Variants in CCDC144A observed in about 807,000 individuals in gnomAD.
CCDC144A encodes the protein coiled-coil domain-containing protein 144A.
Under a neutral mutation model 143.8 loss-of-function variants are expected in CCDC144A, and 41 were observed. That is an observed-to-expected ratio of 0.29 (90% confidence interval 0.22 to 0.37). The LOEUF is 0.37. Ranked by LOEUF, CCDC144A falls within the 10% of genes least tolerant of loss-of-function variation. The pLI, the probability that CCDC144A is intolerant of heterozygous loss-of-function variation, is 1.00. For missense variants in CCDC144A, 637 were observed against 1,488.8 expected (o/e 0.43, Z 9.41); for synonymous variants, 242 against 517.9 (o/e 0.47, Z 7.23).
intron 6 of CCDC144A, among the ~76,000 whole-genome samples, chr17:16,712,879 C>T (rs1246252299): frequency 6.6e-6 from 1 of 152,072 alleles, no homozygotes; most frequent in East Asian, 1.9e-4. Flanking sequence ...TTGGAATTCT[C>T]GTAATATCTG....
At chr17:16,746,407 A>G (rs1349388452) in intron 12 of CCDC144A, 259 of 1,534,238 alleles carry the variant, frequency 1.7e-4, no homozygotes, top group Non-Finnish European at 2.3e-4. Flanking sequence ...TATTTTTAAT[A>G]TATTCCAAAA....
chr17:16,679,484 C>A, the CCDC144A span, among the ~76,000 whole-genome samples: 1 of 151,318 alleles, frequency 6.6e-6, no homozygotes, highest in African/African-American at 2.4e-5. Context: ...TTCCTGAGAC[C>A]TCAATTCTCG....
At chr17:16,689,063 G>C (rs1339979376), upstream of CCDC144A, among the ~76,000 whole-genome samples, 1 of 152,090 alleles carries the variant, frequency 6.6e-6, no homozygotes, top group Non-Finnish European at 1.5e-5. Context: ...TTTTCATAAT[G>C]CTATCTGTCT....
chr17:16,753,791 T>C (rs1388588418), intron 12 of CCDC144A, among the ~76,000 whole-genome samples: 3 of 152,252 alleles, frequency 2.0e-5, no homozygotes, highest in African/African-American at 7.2e-5. Context: ...TCTGCATCCT[T>C]CAGGGATATT....
At chr17:16,763,169 T>A (rs868769901) in intron 14 of CCDC144A, among the ~76,000 whole-genome samples, 1 of 151,108 alleles carries the variant, frequency 6.6e-6, no homozygotes, top group African/African-American at 2.5e-5. Context: ...AAATAACACC[T>A]TGGTCAGCCT....
chr17:16,769,493 A>G (rs1171441363), intron 15 of CCDC144A, among the ~76,000 whole-genome samples: 2 of 152,260 alleles, frequency 1.3e-5, no homozygotes, highest in Admixed American at 6.5e-5. Flanking sequence ...CAGTTTTTCT[A>G]TAAATAACTC....
chr17:16,750,582 G>A (rs3913326), intron 12 of CCDC144A, among the ~76,000 whole-genome samples: 74 of 151,116 alleles, frequency 4.9e-4, no homozygotes, highest in Middle Eastern at 3.4e-3. Flanking sequence ...TTTTTCCATC[G>A]ACCTCTGTAA....
rs557913207 is a variant in CCDC144A, at chr17:16,699,371, G to A, written c.416-5780G>A. The stretch of plus-strand genomic sequence containing the variant: ...AGTTCCACTATTTGCAGGGTTTTTT[G>A]GACTTTTTTTGTTGTTGTTGTTGAG... On this transcript the variant is annotated intron_variant, in intron 2 of 16. Transcript: ENST00000399273. 7.3e-5 allele frequency among the ~76,000 whole-genome samples: 11 copies of A among 149,762 alleles called. 1 individual carries two copies. The highest frequency in any genetic ancestry group is 4.1e-4 in the Admixed American group (6 of 14,742).
rs1443903842 is a variant in CCDC144A at position 16,708,795 on chromosome 17, GA to G, written c.742del (p.Thr248ArgfsTer38). On this transcript the variant is annotated frameshift_variant and splice_region_variant, in exon 5 of 17. Coordinates refer to ENST00000399273, the MANE Select transcript of CCDC144A (RefSeq NM_001382000.1). LOFTEE classifies it high-confidence loss of function. ...LKGCENKQPQ[K>X]TSQEPEMAKD... ...TTAATCTTCCACTTTTGCATCTGCA[GA>G]AAACGTCTCAAGAACCAGAAATGGC... 1.2e-6 allele frequency: 2 copies of G among 1,611,688 alleles called. No individual in the cohort carries two copies. Among genetic ancestry groups the G allele is most frequent in the Non-Finnish European group, 1.7e-6 (2 of 1,179,722 alleles).
chr17:16,693,055 A>C lies in CCDC144A; in HGVS notation c.415+6A>C, dbSNP rs1911180285. ...TCCTCAAAATAACAATCCAGGTAAG[A>C]CTTCTGATAGTGAATTATTTTTGGT... On this transcript the variant is annotated splice_donor_region_variant and intron_variant, in intron 2 of 16. Coordinates refer to ENST00000399273, the MANE Select transcript of CCDC144A (RefSeq NM_001382000.1). 1.3e-6 allele frequency: 2 copies of C among 1,555,078 alleles called. No homozygotes were observed. Among genetic ancestry groups the C allele is most frequent in the Non-Finnish European group, 1.7e-6 (2 of 1,160,198 alleles).
rs182708423 is a variant in CCDC144A, at chr17:16,744,540, G to A, written c.3372+8897G>A. On this transcript the variant is annotated intron_variant, in intron 12 of 16. Transcript: ENST00000399273. ...AAGTGTCTGTTAATGTATTTTGCCC[G>A]CTTTTATATATTTTTTTAAATTCTT... 3.8e-3 allele frequency among the ~76,000 whole-genome samples: 583 copies of A among 151,972 alleles called. 6 individuals are homozygous for A. Among genetic ancestry groups the A allele is most frequent in the African/African-American group, 0.013 (554 of 41,444 alleles).
intron 12 of CCDC144A, among the ~76,000 whole-genome samples, chr17:16,750,847 C>T (rs147251610): frequency 0.01 from 1,553 of 152,212 alleles, 21 homozygotes; most frequent in African/African-American, 0.035. Flanking sequence ...GAAGGTCCCT[C>T]CTGTGTTGAA....
Position 16,711,663 on chromosome 17 carries a change from C to A in CCDC144A, c.1579-16C>A. On this transcript the variant is annotated splice_polypyrimidine_tract_variant and intron_variant, in intron 5 of 16. Coordinates refer to ENST00000399273, the MANE Select transcript of CCDC144A (RefSeq NM_001382000.1). The stretch of plus-strand genomic sequence containing the variant: ...AAGCAATAACAATCATCCTGAACAT[C>A]AAACTCTCACTCAAGGTTGAAGAAG... 2 of 1,609,410 alleles carry A rather than the reference C, an allele frequency of 1.2e-6. No homozygotes were observed. The highest frequency in any genetic ancestry group is 2.2e-5 in the South Asian group (2 of 90,410).
chr17:16,668,040 A>C, the CCDC144A span, among the ~76,000 whole-genome samples: 35 of 148,568 alleles, frequency 2.4e-4, no homozygotes, highest in Admixed American at 2.1e-3. Context: ...CGACATAAAA[A>C]AATGTCTCGT....
Position 16,759,905 on chromosome 17 carries a change from C to T in CCDC144A, c.3373-1520C>T, listed in dbSNP as rs554536075. On this transcript the variant is annotated intron_variant, in intron 12 of 16. Coordinates refer to ENST00000399273, the MANE Select transcript of CCDC144A (RefSeq NM_001382000.1). ...TTTAGGCAAGGCTCAGTGGGGCCAACTCCCTTTTTCTTTACTTGGCATCAG... is the reference window on the plus strand; with the variant it reads ...TTTAGGCAAGGCTCAGTGGGGCCAATTCCCTTTTTCTTTACTTGGCATCAG... 3.3e-5 allele frequency among the ~76,000 whole-genome samples: 5 copies of T among 152,344 alleles called. No individual in the cohort carries two copies. In the East Asian group the frequency reaches 9.6e-4, roughly 29 times the overall value.
upstream of CCDC144A, among the ~76,000 whole-genome samples, chr17:16,687,188 T>C (rs1181876527): frequency 6.6e-6 from 1 of 152,186 alleles, no homozygotes; most frequent in East Asian, 1.9e-4. Flanking sequence ...TTAAAATTCT[T>C]TGGTTGTTCT....
At chr17:16,685,358 C>T (rs1597517659), upstream of CCDC144A, among the ~76,000 whole-genome samples, 1 of 151,458 alleles carries the variant, frequency 6.6e-6, no homozygotes, top group Non-Finnish European at 1.5e-5. Flanking sequence ...GCTAGAACTT[C>T]CAACGCCGTT....
chr17:16,757,958 A>G (rs1915176727), intron 12 of CCDC144A, among the ~76,000 whole-genome samples: 1 of 152,138 alleles, frequency 6.6e-6, no homozygotes, highest in Non-Finnish European at 1.5e-5. Flanking sequence ...TCCTTCTGTC[A>G]TCAGAGGATC....
intron 5 of CCDC144A, among the ~76,000 whole-genome samples, chr17:16,711,118 A>T: frequency 8.2e-6 from 1 of 122,110 alleles, no homozygotes. Context: ...CACCTTTTTG[A>T]TATCCCAGGA....
Sources: gnomAD v4.1 joint callset for allele counts (sites outside exome capture counted in the v4.1 genomes callset) on GRCh38, gnomAD v4.1.1 for gene constraint, MANE v1.5 for transcripts, NCBI Gene and HGNC (gene_info 2026-07-23, HGNC 2026-07-21) for gene names.